Variants in RCOR1 observed in about 807,000 individuals in gnomAD.
The protein encoded by RCOR1 is REST corepressor.
Under a neutral mutation model 64.0 loss-of-function variants are expected in RCOR1, and 12 were observed. That is an observed-to-expected ratio of 0.19 (90% confidence interval 0.12 to 0.30). RCOR1 has a LOEUF of 0.30. RCOR1 is among the 10% of genes least tolerant of loss of function. The probability of loss-of-function intolerance (pLI) is 1.00; values close to 1 mark genes in which losing one functional copy is unlikely to be tolerated. For missense variants in RCOR1, 502 were observed against 621.2 expected (o/e 0.81, Z 2.04); for synonymous variants, 279 against 227.2 (o/e 1.23, Z -2.05).
intron 11 of RCOR1, 54 bp downstream of exon 11, chr14:102,722,470 C>A: frequency 1.4e-6 from 2 of 1,429,966 alleles, no homozygotes; most frequent in Non-Finnish European, 1.9e-6. Flanking sequence ...CTTGATACTC[C>A]AGTTTCTAAA....
At chr14:102,594,180 CT>C (rs963342232) in intron 2 of RCOR1, among the ~76,000 whole-genome samples, 13 of 152,170 alleles carry the variant, frequency 8.5e-5, no homozygotes, top group African/African-American at 3.1e-4. Flanking sequence ...TAGCCAGTGT[CT>C]GTATGAGACT....
chr14:102,647,949 G>A (rs1894509697), intron 2 of RCOR1, among the ~76,000 whole-genome samples: 1 of 152,190 alleles, frequency 6.6e-6, no homozygotes, highest in Non-Finnish European at 1.5e-5. Flanking sequence ...AAAGTGCTGA[G>A]ATCACAGGCA....
At chr14:102,674,267 A>G (rs1162809111) in intron 2 of RCOR1, among the ~76,000 whole-genome samples, 2 of 152,216 alleles carry the variant, frequency 1.3e-5, no homozygotes, top group Non-Finnish European at 2.9e-5. Context: ...AACCATATCT[A>G]CTAAATACTT....
At chr14:102,608,848 A>T (rs974895253) in intron 2 of RCOR1, among the ~76,000 whole-genome samples, 1 of 150,916 alleles carries the variant, frequency 6.6e-6, no homozygotes, top group Non-Finnish European at 1.5e-5. Context: ...TATAGGCATG[A>T]GCCACTACAC....
At chr14:102,632,367 AC>A (rs1386021352) in intron 2 of RCOR1, among the ~76,000 whole-genome samples, 1 of 149,334 alleles carries the variant, frequency 6.7e-6, no homozygotes, top group African/African-American at 2.5e-5. Flanking sequence ...ACAGGCCCCC[AC>A]CACCACGCCC....
intron 2 of RCOR1, among the ~76,000 whole-genome samples, chr14:102,666,030 TGAA>T (rs1268934692): frequency 6.6e-6 from 1 of 152,118 alleles, no homozygotes; most frequent in Non-Finnish European, 1.5e-5. Flanking sequence ...ATGAGAGTAT[TGAA>T]GAGGAATGGA....
At chr14:102,613,717 G>A (rs867785060) in intron 2 of RCOR1, among the ~76,000 whole-genome samples, 1 of 149,250 alleles carries the variant, frequency 6.7e-6, no homozygotes, top group Non-Finnish European at 1.5e-5. Context: ...ACCGCGCCCC[G>A]CCATCCTTTT....
chr14:102,606,421 G>T (rs1323285608), intron 2 of RCOR1, among the ~76,000 whole-genome samples: 1 of 151,982 alleles, frequency 6.6e-6, no homozygotes, highest in Admixed American at 6.6e-5. Context: ...ACTTTTACTG[G>T]CATAGAAGCT....
chr14:102,633,367 T>C (rs1332180495), intron 2 of RCOR1, among the ~76,000 whole-genome samples: 12 of 152,088 alleles, frequency 7.9e-5, no homozygotes, highest in Non-Finnish European at 1.6e-4. Context: ...AAAAAATTTT[T>C]ATATAGAGAT....
chr14:102,599,607 A>G (rs1478995864), intron 2 of RCOR1, among the ~76,000 whole-genome samples: 4 of 152,134 alleles, frequency 2.6e-5, no homozygotes, highest in African/African-American at 9.7e-5. Context: ...TGTGGTTGTC[A>G]TTGGCTTAAC....
At chr14:102,640,106 G>A (rs527896586) in intron 2 of RCOR1, among the ~76,000 whole-genome samples, 104 of 152,226 alleles carry the variant, frequency 6.8e-4, no homozygotes, top group African/African-American at 2.2e-3. Flanking sequence ...CAGCTTCCCA[G>A]AGTGCTGGGA....
rs116551309 is a variant in RCOR1 at position 102,658,649 on chromosome 14, C to T, written c.362-23246C>T. ...CCTCACTTGGGTTCCTCTTACATCA[C>T]CAAGGTGTGCTTGTCAATACCCAGA... On this transcript the variant is annotated intron_variant, in intron 2 of 11. Transcript: ENST00000262241. The T allele has an allele frequency of 8.0e-4, 791 of 983,810 alleles. 3 individuals carry two copies. The African/African-American group carries it at 0.013, about 16-fold the overall frequency. The allele number at this position is 983,810 out of a possible 1,614,324, so 60.9% of individuals were successfully genotyped here.
At position 102,700,348 on chromosome 14, in the gene RCOR1, A is replaced by G. The variant is rs1895732722; in HGVS notation, c.446-930A>G. The stretch of plus-strand genomic sequence containing the variant: ...GCGATTCTCCTGCCTCAGCCTCCCA[A>G]GTAGCTGGGATTACAGGCATGTGCC... On this transcript the variant is annotated intron_variant, in intron 3 of 11. Transcript: ENST00000262241. Among the ~76,000 whole-genome samples, 2 of 152,054 alleles carry G rather than the reference A, an allele frequency of 1.3e-5. 1 individual carries two copies. Among genetic ancestry groups the G allele is most frequent in the South Asian group, 4.2e-4 (2 of 4,816 alleles).
At chr14:102,597,554 C>T (rs1893282779) in intron 2 of RCOR1, among the ~76,000 whole-genome samples, 1 of 151,006 alleles carries the variant, frequency 6.6e-6, no homozygotes, top group Admixed American at 6.6e-5. Context: ...GTCTCGAACT[C>T]CTGACCTCAG....
intron 2 of RCOR1, among the ~76,000 whole-genome samples, chr14:102,651,902 C>G (rs1567422378): frequency 6.6e-6 from 1 of 152,106 alleles, no homozygotes; most frequent in Non-Finnish European, 1.5e-5. Context: ...CCCTGTAGAC[C>G]TGATTTCTTG....
chr14:102,616,557 C>A (rs892343374), intron 2 of RCOR1, among the ~76,000 whole-genome samples: 1 of 152,092 alleles, frequency 6.6e-6, no homozygotes, highest in African/African-American at 2.4e-5. Flanking sequence ...AGGTGTGAGT[C>A]ATCATGTTTG....
chr14:102,647,788 C>A (rs1378361700), intron 2 of RCOR1, among the ~76,000 whole-genome samples: 2 of 152,198 alleles, frequency 1.3e-5, no homozygotes, highest in Non-Finnish European at 2.9e-5. Context: ...AGGGAGTTAT[C>A]CTGCCTCAGC....
At chr14:102,599,012 C>T (rs1246507903) in intron 2 of RCOR1, among the ~76,000 whole-genome samples, 1 of 152,172 alleles carries the variant, frequency 6.6e-6, no homozygotes, top group East Asian at 1.9e-4. Flanking sequence ...TTTTAATATT[C>T]AGTAGTTACA....
Position 102,728,482 on chromosome 14 carries a change from C to G in RCOR1, c.*1976C>G, listed in dbSNP as rs1260013728. ...GGGTACACTAAGGTATGAGCTGAAG[C>G]TTTAGGTTCTCCGTGCTTCCCTCAA... On this transcript the variant is annotated 3_prime_UTR_variant, in exon 12 of 12. Transcript: ENST00000262241. The G allele has an allele frequency of 6.6e-6, 1 of 152,168 alleles. No individual in the cohort carries two copies. Among genetic ancestry groups the G allele is most frequent in the Non-Finnish European group, 1.5e-5 (1 of 68,032 alleles). The allele number at this position is 152,168 out of a possible 1,614,324, so 9.4% of individuals were successfully genotyped here. A position where few individuals can be genotyped will look rare whatever the true frequency, so the allele number is the denominator to read the frequency against.
Sources: allele counts gnomAD v4.1 joint callset (sites outside exome capture counted in the v4.1 genomes callset), GRCh38; gene constraint gnomAD v4.1.1; transcripts MANE v1.5; gene names NCBI Gene and HGNC (gene_info 2026-07-23, HGNC 2026-07-21).